The following ITGA11 variants were observed in gnomAD, a reference collection of about 807,000 sequenced individuals.
ITGA11 encodes the protein integrin alpha-11.
A neutral mutation model predicts 141.9 loss-of-function variants in ITGA11; 97 were observed. The ratio of observed to expected loss-of-function variants is 0.68; its 90% CI spans 0.58 to 0.81. The LOEUF is 0.81. Ranked by LOEUF, ITGA11 falls within the 30% of genes least tolerant of loss-of-function variation. The probability of loss-of-function intolerance (pLI) is 0.00; values close to 1 mark genes in which losing one functional copy is unlikely to be tolerated. For synonymous variants in ITGA11, 658 were observed against 624.6 expected, an observed-to-expected ratio of 1.05 and a Z score of -0.80; for missense variants, 1,387 against 1,559.2, an observed-to-expected ratio of 0.89 and a Z score of 1.86.
intron 28 of ITGA11, among the ~76,000 whole-genome samples, chr15:68,306,443 A>G (rs1039954930): frequency 6.6e-6 from 1 of 152,082 alleles, no homozygotes; most frequent in African/African-American, 2.4e-5. Flanking sequence ...GTCTCCAGAA[A>G]GCTTTCCGGG....
chr15:68,343,012 T>TCG (rs1443630967), intron 10 of ITGA11, among the ~76,000 whole-genome samples: 73 of 99,658 alleles, frequency 7.3e-4, no homozygotes, highest in Non-Finnish European at 6.2e-4. Context: ...TCTCTCTCTC[T>TCG]CTCTCTCTCT....
At chr15:68,428,494 GGTGA>G (rs1897195701) in intron 1 of ITGA11, among the ~76,000 whole-genome samples, 1 of 152,142 alleles carries the variant, frequency 6.6e-6, no homozygotes, top group South Asian at 2.1e-4. Flanking sequence ...ATGGGGTCAT[GGTGA>G]GTAAGCAGAA....
rs1892997499 is a variant in ITGA11 at position 68,300,263 on chromosome 15, C to G, written c.*2796G>C. Reference sequence around the variant, plus strand: ...TTGAGAAGCGCAGCGCTGCAGAGATCATCTGCTTTATGAGGCACAGTGGGC... The same window carrying G: ...TTGAGAAGCGCAGCGCTGCAGAGATGATCTGCTTTATGAGGCACAGTGGGC... On this transcript the variant is annotated 3_prime_UTR_variant, in exon 30 of 30. Coordinates refer to ENST00000315757, the MANE Select transcript of ITGA11 (RefSeq NM_001004439.2). 6.6e-6 allele frequency: 1 copy of G among 152,250 alleles called. No individual in the cohort carries two copies. Among genetic ancestry groups the G allele is most frequent in the Non-Finnish European group, 1.5e-5 (1 of 68,044 alleles). 9.4% of individuals were successfully genotyped at this position (152,250 alleles called of 1,614,324 possible). A position where few individuals can be genotyped will look rare whatever the true frequency, so the allele number is the denominator to read the frequency against.
intron 1 of ITGA11, among the ~76,000 whole-genome samples, chr15:68,416,760 C>CA (rs1174659375): frequency 6.6e-6 from 1 of 151,954 alleles, no homozygotes; most frequent in Non-Finnish European, 1.5e-5. Context: ...TACTAAAATA[C>CA]AAAAAATTAG....
chr15:68,311,232 G>C, intron 25 of ITGA11, 58 bp downstream of exon 25: 3 of 1,316,642 alleles, frequency 2.3e-6, no homozygotes, highest in Non-Finnish European at 3.2e-6. Context: ...CACACGTAGG[G>C]GGAGTGTCTG....
chr15:68,345,781 C>G (rs1006358738), intron 10 of ITGA11, among the ~76,000 whole-genome samples: 7 of 152,160 alleles, frequency 4.6e-5, no homozygotes, highest in Non-Finnish European at 1.0e-4. Flanking sequence ...CCCTGATCCC[C>G]AGAGAGGCCT....
At chr15:68,347,461 T>G (rs974835925) in intron 10 of ITGA11, among the ~76,000 whole-genome samples, 1 of 152,232 alleles carries the variant, frequency 6.6e-6, no homozygotes, top group African/African-American at 2.4e-5. Context: ...AGGGCTGTTA[T>G]TAGGATAGGG....
chr15:68,418,888 T>C (rs1215784787), intron 1 of ITGA11, among the ~76,000 whole-genome samples: 1 of 151,708 alleles, frequency 6.6e-6, no homozygotes, highest in East Asian at 2.0e-4. Flanking sequence ...CAGAGAGTGT[T>C]TGGGCAAAAT....
At chr15:68,346,857 A>C (rs557468057) in intron 10 of ITGA11, among the ~76,000 whole-genome samples, 3 of 152,094 alleles carry the variant, frequency 2.0e-5, no homozygotes, top group African/African-American at 7.2e-5. Context: ...AGACATGTGC[A>C]TGTCTCCCCC....
In ITGA11 at chr15:68,348,811, C is replaced by T. The variant is rs1205137844; in HGVS notation, c.1131+19G>A. The T allele has an allele frequency of 6.3e-7, 1 of 1,599,892 alleles. No homozygotes were observed. Among genetic ancestry groups the T allele is most frequent in the Non-Finnish European group, 8.5e-7 (1 of 1,173,012 alleles). ...GAGAGACAGAGGCTGGGCTCTGTGC[C>T]CGTACCTCCACCACATACCTCCACC... On this transcript the variant is annotated intron_variant, in intron 10 of 29. Transcript: ENST00000315757.
At position 68,335,621 on chromosome 15, in the gene ITGA11, T is replaced by G. The variant is rs994056124; in HGVS notation, c.1425+76A>C. 15 of 1,512,354 alleles carry G rather than the reference T, an allele frequency of 9.9e-6. No homozygotes were observed. The East Asian group carries it at 3.6e-4, about 36-fold the overall frequency. 93.7% of individuals were successfully genotyped at this position (1,512,354 alleles called of 1,614,324 possible). ...GGGCACCCAGTGGTCCAGGCATGCC[T>G]GTATTTACTGCCCTCCCATTTGTCT... On this transcript the variant is annotated intron_variant, in intron 12 of 29. Coordinates refer to ENST00000315757, the MANE Select transcript of ITGA11 (RefSeq NM_001004439.2). The surrounding 1 kb of genome is among the most constrained non-coding windows in gnomAD (Gnocchi z 4.9).
At chr15:68,363,506 C>T (rs1895317971) in intron 4 of ITGA11, among the ~76,000 whole-genome samples, 3 of 152,146 alleles carry the variant, frequency 2.0e-5, no homozygotes. Context: ...GCACTCAAGT[C>T]CCCTTGCATC....
At chr15:68,337,858 G>A (rs545337801) in intron 11 of ITGA11, among the ~76,000 whole-genome samples, 5 of 152,214 alleles carry the variant, frequency 3.3e-5, no homozygotes, top group African/African-American at 1.2e-4. Context: ...CTACTTCTTG[G>A]GTCCTGAAAT....
Position 68,370,172 on chromosome 15 carries a change from G to A in ITGA11, c.165-888C>T, listed in dbSNP as rs77416894. 1.6e-4 allele frequency among the ~76,000 whole-genome samples: 24 copies of A among 152,258 alleles called. 1 individual carries two copies. In the East Asian group the frequency reaches 2.7e-3, roughly 17 times the overall value. ...GTCCTTCAGGACTCTGAGGGAATGC[G>A]TTTCTGTTGTTTTAAGCCACGCAGG... On this transcript the variant is annotated intron_variant, in intron 2 of 29. Coordinates refer to ENST00000315757, the MANE Select transcript of ITGA11 (RefSeq NM_001004439.2).
rs753081689 is a variant in ITGA11 at position 68,307,130 on chromosome 15, A to AAAGT, written c.3381+217_3381+218insACTT. Among the ~76,000 whole-genome samples the AAAGT allele has an allele frequency of 1.4e-4, 22 of 152,276 alleles. No homozygotes were observed. Among genetic ancestry groups the AAAGT allele is most frequent in the South Asian group, 8.3e-4 (4 of 4,824 alleles). ...TTTGGTCTTCACAAATTCAGTTCAC[A>AAAGT]CCAGACCTCTGGACCTTCCCTAGTG... On this transcript the variant is annotated intron_variant, in intron 28 of 29. Coordinates refer to ENST00000315757, the MANE Select transcript of ITGA11 (RefSeq NM_001004439.2). This position sits in a 1 kb window ranked among gnomAD's most constrained non-coding sequence, Gnocchi z 6.1.
intron 2 of ITGA11, among the ~76,000 whole-genome samples, chr15:68,400,123 G>T (rs1232742263): frequency 6.6e-6 from 1 of 152,036 alleles, no homozygotes; most frequent in Non-Finnish European, 1.5e-5. Flanking sequence ...TATATCTATG[G>T]TCACCCGATT....
In ITGA11 at chr15:68,331,025, G is replaced by A. The variant is rs770683860; in HGVS notation, c.1857C>T (p.Leu619=). ...HGQLDLNEDG[L]IDLAVGALGN... ...CAAGGGCTCCCACTGCCAGGTCGAT[G>A]AGCCCATCCTCATTGAGGTCCAATT... The change falls in exon 15 of 30, where the codon CTC becomes CTT. Residue 619 remains leucine, a synonymous_variant. Transcript: ENST00000315757. 4 of 1,613,708 alleles carry A rather than the reference G, an allele frequency of 2.5e-6. No homozygotes were observed. The highest frequency in any genetic ancestry group is 2.2e-5 in the South Asian group (2 of 90,956).
At chr15:68,332,117 C>T in intron 13 of ITGA11, 55 bp from the exon 14 acceptor site, 2 of 1,439,350 alleles carry the variant, frequency 1.4e-6, no homozygotes, top group Non-Finnish European at 1.9e-6. Context: ...AGTCCTCAGG[C>T]TCATAATTCC....
intron 19 of ITGA11, among the ~76,000 whole-genome samples, 160 bp from the exon 20 acceptor site, chr15:68,320,552 T>G (rs72741167): frequency 0.15 from 22,234 of 152,130 alleles, 1,690 homozygotes; most frequent in African/African-American, 0.16. Context: ...ATGGCAGGGC[T>G]GGAAAGAGCT....
Sources: gnomAD v4.1 joint callset for allele counts (sites outside exome capture counted in the v4.1 genomes callset) on GRCh38, gnomAD v4.1.1 for gene constraint, Gnocchi (gnomAD v3.1) non-coding constraint, MANE v1.5 for transcripts, NCBI Gene and HGNC (gene_info 2026-07-23, HGNC 2026-07-21) for gene names.